Variants in EML4 observed in about 807,000 individuals in gnomAD.
EML4 encodes the protein echinoderm microtubule-associated protein-like 4.
EML4 carries 72 observed loss-of-function variants against 129.0 expected under a neutral mutation model. That is an observed-to-expected ratio of 0.56 (90% CI 0.46 to 0.68). EML4 has a LOEUF of 0.68. Among genes scored for constraint, EML4 ranks in the 30% least tolerant of loss-of-function variants. EML4 has a pLI of 0.00. For missense variants in EML4, 1,363 were observed against 1,190.6 expected (o/e 1.14, Z -2.13); for synonymous variants, 532 against 405.0 (o/e 1.31, Z -3.77).
chr2:42,182,158 C>CTTT (rs36105464), intron 1 of EML4, among the ~76,000 whole-genome samples: 24 of 126,188 alleles, frequency 1.9e-4, no homozygotes, highest in East Asian at 4.5e-4. Flanking sequence ...AAAAATTCTT[C>CTTT]TTTTTTTTTT....
chr2:42,245,509 T>C lies in EML4; in HGVS notation c.30T>C (p.Asp10=). Residue 10 remains aspartate, a synonymous_variant, in exon 2 of 23, where the codon GAT becomes GAC. Coordinates refer to ENST00000318522, the MANE Select transcript of EML4 (RefSeq NM_019063.5). ...ATATTTTATTTTATTTTATAGATGA[T>C]AGTATTTCTGCTGCAAGTACTTCTG... MDGFAGSLD[D]SISAASTSDV... is the part of the protein sequence containing the mutation. 6.2e-7 allele frequency: 1 copy of C among 1,606,990 alleles called. No homozygotes were observed. Among genetic ancestry groups the C allele is most frequent in the Non-Finnish European group, 8.5e-7 (1 of 1,174,992 alleles).
rs745600590 is a variant in EML4 at position 42,169,629 on chromosome 2, C to T, written c.18C>T (p.Gly6=). Residue 6 remains glycine, a synonymous_variant, in exon 1 of 23, where the codon GGC becomes GGT. Transcript: ENST00000318522. ...CCCGCAAGATGGACGGTTTCGCCGG[C>T]AGTCTCGGTGAGTACGGCTGGGGAG... MDGFA[G]SLDDSISAAS... The T allele has an allele frequency of 3.1e-6, 5 of 1,602,406 alleles. No individual in the cohort carries two copies. The highest frequency in any genetic ancestry group is 3.4e-5 in the Admixed American group (2 of 58,956).
intron 1 of EML4, chr2:42,170,402 A>G (rs1035658412): frequency 2.6e-5 from 4 of 152,246 alleles, no homozygotes; most frequent in South Asian, 2.1e-4. Flanking sequence ...CAATGAATCA[A>G]TAGGAAAGGG....
chr2:42,178,412 C>G (rs530194377), intron 1 of EML4, among the ~76,000 whole-genome samples: 1 of 151,482 alleles, frequency 6.6e-6, no homozygotes, highest in East Asian at 1.9e-4. Flanking sequence ...ATTAGCTGAA[C>G]GTGGTGGTGC....
chr2:42,330,370 G>A lies in EML4; in HGVS notation c.*163G>A. 1 of 719,458 alleles carries A rather than the reference G, an allele frequency of 1.4e-6. No homozygotes were observed. Among genetic ancestry groups the A allele is most frequent in the Non-Finnish European group, 2.5e-6 (1 of 405,836 alleles). The allele number at this position is 719,458 out of a possible 1,614,324, so 44.6% of individuals were successfully genotyped here. On this transcript the variant is annotated 3_prime_UTR_variant, in exon 23 of 23. Coordinates refer to ENST00000318522, the MANE Select transcript of EML4 (RefSeq NM_019063.5). ...TCTTATTTTCAGTCTCTCAAATACAGCCAACTTAAAGTTTTAGTTTGGTGT... is the reference window on the plus strand; with the variant it reads ...TCTTATTTTCAGTCTCTCAAATACAACCAACTTAAAGTTTTAGTTTGGTGT...
intron 3 of EML4, among the ~76,000 whole-genome samples, chr2:42,260,595 T>A (rs1665669370): frequency 6.6e-6 from 1 of 152,382 alleles, no homozygotes; most frequent in East Asian, 1.9e-4. Context: ...TCTCTTTGTA[T>A]TTAATTAACT....
intron 1 of EML4, chr2:42,208,068 T>G (rs1672663690): frequency 6.6e-6 from 1 of 152,150 alleles, no homozygotes; most frequent in African/African-American, 2.4e-5. Flanking sequence ...ATTTCACCTC[T>G]TCTTTGGTGG....
At chr2:42,249,916 C>A (rs1244148986) in intron 2 of EML4, among the ~76,000 whole-genome samples, 1 of 152,058 alleles carries the variant, frequency 6.6e-6, no homozygotes, top group Non-Finnish European at 1.5e-5. Context: ...GCAGCTGAAT[C>A]CCTGCCAAAA....
intron 1 of EML4, among the ~76,000 whole-genome samples, chr2:42,180,438 C>G (rs1056962793): frequency 1.3e-5 from 2 of 152,198 alleles, no homozygotes; most frequent in Non-Finnish European, 2.9e-5. Flanking sequence ...CCACTCTGGA[C>G]TTGCATTCCA....
At chr2:42,318,682 C>T (rs1201637918) in intron 19 of EML4, among the ~76,000 whole-genome samples, 1 of 110,266 alleles carries the variant, frequency 9.1e-6, no homozygotes, top group Admixed American at 7.9e-5. Context: ...GTTTACCCTA[C>T]CAGACCCCCA....
chr2:42,239,125 G>A (rs570246263), intron 1 of EML4, among the ~76,000 whole-genome samples: 5 of 152,330 alleles, frequency 3.3e-5, no homozygotes, highest in East Asian at 1.9e-4. Context: ...TGCTTGCAGC[G>A]TAGTAATTAA....
chr2:42,181,109 C>T lies in EML4; in HGVS notation c.25+11473C>T, dbSNP rs563706476. On this transcript the variant is annotated intron_variant, in intron 1 of 22. Transcript: ENST00000318522. ...GTCCATTCTGATCACTTGGTGTCTG[C>T]TAGACTTGCCCACAATTTTACAATT... Among the ~76,000 whole-genome samples the T allele has an allele frequency of 2.0e-5, 3 of 152,268 alleles. No individual in the cohort carries two copies. The South Asian group carries it at 6.2e-4, about 32-fold the overall frequency.
intron 1 of EML4, among the ~76,000 whole-genome samples, chr2:42,236,380 A>G (rs989524694): frequency 4.6e-5 from 7 of 152,224 alleles, no homozygotes; most frequent in South Asian, 2.1e-4. Context: ...GCTGCTGTGA[A>G]TATTCTTGGA....
chr2:42,282,724 T>C, intron 7 of EML4, 99 bp from the exon 8 acceptor site: 1 of 1,072,212 alleles, frequency 9.3e-7, no homozygotes. Context: ...AGTTCAGTCT[T>C]CTTCATTGTA....
intron 17 of EML4, among the ~76,000 whole-genome samples, chr2:42,313,518 C>G (rs1376617009): frequency 6.6e-6 from 1 of 151,868 alleles, no homozygotes; most frequent in African/African-American, 2.4e-5. Flanking sequence ...AACCATACCA[C>G]TAAGCTTTAA....
intron 19 of EML4, among the ~76,000 whole-genome samples, chr2:42,322,702 C>T (rs1669583278): frequency 6.6e-6 from 1 of 152,170 alleles, no homozygotes; most frequent in Admixed American, 6.5e-5. Flanking sequence ...CTAGAATTTG[C>T]TCCTGTGTTT....
At chr2:42,227,883 G>C (rs776273533) in intron 1 of EML4, among the ~76,000 whole-genome samples, 1 of 151,944 alleles carries the variant, frequency 6.6e-6, no homozygotes, top group Non-Finnish European at 1.5e-5. Context: ...TAAGGCTTCC[G>C]GTCAACCGCA....
In EML4 at chr2:42,325,503, C is replaced by T. The variant is rs2103828460; in HGVS notation, c.2191C>T (p.Pro731Ser). Reference sequence around the variant, plus strand: ...CTACATCACACACCTTGACTGGTCCCCAGACAACAAGTATATAATGTCTAA... The same window carrying T: ...CTACATCACACACCTTGACTGGTCCTCAGACAACAAGTATATAATGTCTAA... ...SSYITHLDWSPDNKYIMSNSG... is the reference protein window; with the variant it reads ...SSYITHLDWSSDNKYIMSNSG... The change falls in exon 20 of 23, where the codon CCA becomes TCA. Residue 731 changes from proline (P) to serine (S), a missense_variant. Physicochemically the swap from Pro to Ser is moderately conservative, Grantham distance 74 (BLOSUM62 -1). Coordinates refer to ENST00000318522, the MANE Select transcript of EML4 (RefSeq NM_019063.5). The T allele has an allele frequency of 6.3e-7, 1 of 1,582,876 alleles. No homozygotes were observed. The highest frequency in any genetic ancestry group is 8.6e-7 in the Non-Finnish European group (1 of 1,158,476).
intron 1 of EML4, among the ~76,000 whole-genome samples, chr2:42,186,303 G>C (rs886288017): frequency 1.3e-5 from 2 of 151,536 alleles, no homozygotes; most frequent in Non-Finnish European, 1.5e-5. Context: ...GATCCACAAT[G>C]AATTTGATTT....
Sources: allele counts gnomAD v4.1 joint callset (sites outside exome capture counted in the v4.1 genomes callset), GRCh38; gene constraint gnomAD v4.1.1; transcripts MANE v1.5; gene names NCBI Gene and HGNC (gene_info 2026-07-23, HGNC 2026-07-21).